Variants in CDK13 observed in about 807,000 individuals in gnomAD.
CDK13 encodes cyclin-dependent kinase 13.
Under a neutral mutation model 137.6 loss-of-function variants are expected in CDK13, and 40 were observed. The observed-to-expected ratio is 0.29, with a 90% CI of 0.23 to 0.38. CDK13 has a LOEUF of 0.38. CDK13 is among the 10% of genes least tolerant of loss of function. The probability of loss-of-function intolerance (pLI) is 1.00; values close to 1 mark genes in which losing one functional copy is unlikely to be tolerated. For missense variants in CDK13, 1,704 were observed against 1,951.8 expected (o/e 0.87, Z 2.39); for synonymous variants, 869 against 760.1 (o/e 1.14, Z -2.36).
At chr7:40,021,108 T>TACAC (rs1359649785) in intron 5 of CDK13, among the ~76,000 whole-genome samples, 1,606 of 72,426 alleles carry the variant, frequency 0.022, 36 homozygotes, top group African/African-American at 0.029. Context: ...CAAACGTATA[T>TACAC]ATATATATAT....
chr7:40,087,348 G>GC (rs1786811703), intron 11 of CDK13, among the ~76,000 whole-genome samples: 1 of 152,012 alleles, frequency 6.6e-6, no homozygotes, highest in Non-Finnish European at 1.5e-5. Flanking sequence ...TTGCCATGTT[G>GC]CCCAGGCTGG....
chr7:39,991,269 C>A (rs1374113696), intron 2 of CDK13, among the ~76,000 whole-genome samples: 1 of 152,114 alleles, frequency 6.6e-6, no homozygotes, highest in African/African-American at 2.4e-5. Flanking sequence ...TTTTCTGTTA[C>A]AACATACTTT....
intron 5 of CDK13, among the ~76,000 whole-genome samples, chr7:40,026,326 T>C (rs973846443): frequency 1.3e-5 from 2 of 152,048 alleles, no homozygotes; most frequent in Admixed American, 1.3e-4. Context: ...CTGGACAACA[T>C]AGCTAGACCC....
At chr7:40,072,131 A>C (rs1776881193) in intron 9 of CDK13, 2 of 152,168 alleles carry the variant, frequency 1.3e-5, no homozygotes, top group South Asian at 4.1e-4. Context: ...TGCTTCAACA[A>C]GTACATTCTT....
rs920153805 is a variant in CDK13 at position 39,951,872 on chromosome 7, C to T, written c.1211+20C>T. 14 of 1,341,872 alleles carry T rather than the reference C, an allele frequency of 1.0e-5. No individual in the cohort carries two copies. Among genetic ancestry groups the T allele is most frequent in the African/African-American group, 1.5e-5 (1 of 66,636 alleles). The allele number at this position is 1,341,872 out of a possible 1,614,324, so 83.1% of individuals were successfully genotyped here. ...GCTCAGGTGAGTTCTGCCGTTCTGCCTGTGTGTGCCTTGGCTGCGCTGGCC... is the reference window on the plus strand; with the variant it reads ...GCTCAGGTGAGTTCTGCCGTTCTGCTTGTGTGTGCCTTGGCTGCGCTGGCC... On this transcript the variant is annotated intron_variant, in intron 1 of 13. Coordinates refer to ENST00000181839, the MANE Select transcript of CDK13 (RefSeq NM_003718.5).
chr7:40,031,685 A>T (rs1419294838), intron 5 of CDK13, among the ~76,000 whole-genome samples: 2 of 151,732 alleles, frequency 1.3e-5, no homozygotes, highest in African/African-American at 4.8e-5. Flanking sequence ...TCGCTCTGTC[A>T]TCCACGCTGG....
chr7:40,035,214 C>T (rs866038564), intron 5 of CDK13, among the ~76,000 whole-genome samples: 3 of 152,002 alleles, frequency 2.0e-5, no homozygotes, highest in East Asian at 1.9e-4. Flanking sequence ...AATACAATAT[C>T]GGAAAAATAT....
chr7:39,950,349 C>G lies in CDK13; in HGVS notation c.-293C>G. 5.1e-6 allele frequency: 6 copies of G among 1,178,288 alleles called. No individual in the cohort carries two copies. The highest frequency in any genetic ancestry group is 6.3e-6 in the Non-Finnish European group (6 of 954,130). 73.0% of individuals were successfully genotyped at this position (1,178,288 alleles called of 1,614,324 possible). ...GAGGACTCGGGACTCCCCCGCAGGT[C>G]AGCGCCCGGCGCATCTGGTGTTTTC... On this transcript the variant is annotated 5_prime_UTR_variant, in exon 1 of 14. Transcript: ENST00000181839.
intron 5 of CDK13, among the ~76,000 whole-genome samples, chr7:40,003,206 A>ACACACACACACACTCTCTCTCTCT (rs374470130): frequency 1.3e-5 from 1 of 79,864 alleles, no homozygotes; most frequent in African/African-American, 4.8e-5. Flanking sequence ...ACACACACAC[A>ACACACACACACACTCTCTCTCTCT]CTCTCTCTCT....
At chr7:40,020,869 G>A (rs952826341) in intron 5 of CDK13, among the ~76,000 whole-genome samples, 1 of 152,006 alleles carries the variant, frequency 6.6e-6, no homozygotes. Context: ...AAGGTGGGTG[G>A]ATCACAAGGT....
chr7:40,014,779 A>G (rs1784970653), intron 5 of CDK13, among the ~76,000 whole-genome samples: 1 of 151,706 alleles, frequency 6.6e-6, no homozygotes, highest in Admixed American at 6.6e-5. Flanking sequence ...TTAACCATAC[A>G]TTTTCATGTT....
At position 40,092,901 on chromosome 7, in the gene CDK13, G is replaced by A. The variant is rs2150547280; in HGVS notation, c.3352G>A (p.Val1118Ile). 1 of 1,614,136 alleles carries A rather than the reference G, an allele frequency of 6.2e-7. No individual in the cohort carries two copies. Among genetic ancestry groups the A allele is most frequent in the Non-Finnish European group, 8.5e-7 (1 of 1,180,016 alleles). Residue 1118 changes from valine to isoleucine, a missense_variant, in exon 13 of 14, where the codon GTA becomes ATA. Physicochemically the swap from Val to Ile is conservative, Grantham distance 29. Coordinates refer to ENST00000181839, the MANE Select transcript of CDK13 (RefSeq NM_003718.5). ...ADFVQVLNIK[V>I]NSETQQQLNK... is the part of the protein sequence containing the mutation. ...TTTTGTCCAAGTGTTGAACATTAAG[G>A]TAAACTCTGAGACTCAACAGCAGCT...
chr7:40,075,825 A>C (rs1786533557), intron 9 of CDK13, among the ~76,000 whole-genome samples: 1 of 152,158 alleles, frequency 6.6e-6, no homozygotes, highest in South Asian at 2.1e-4. Flanking sequence ...CCTGGGCAAC[A>C]TAGCAAAAAC....
chr7:40,029,063 AT>A lies in CDK13; in HGVS notation c.2354-16762del, dbSNP rs922811812. ...ATTTTTAAAATAAATATATTGGAAA[AT>A]TTTTTTTTTTGGAGATTTGCAACAA... On this transcript the variant is annotated intron_variant, in intron 5 of 13. Transcript: ENST00000181839. 5.5e-3 allele frequency among the ~76,000 whole-genome samples: 822 copies of A among 148,396 alleles called. 9 individuals carry two copies. The highest frequency in any genetic ancestry group is 0.023 in the East Asian group (116 of 5,128).
chr7:40,000,043 C>CT (rs1461523731), intron 4 of CDK13, among the ~76,000 whole-genome samples: 1 of 152,078 alleles, frequency 6.6e-6, no homozygotes, highest in Admixed American at 6.6e-5. Flanking sequence ...ATGCATAGAG[C>CT]TAGTATTTTA....
At chr7:40,011,571 A>AG (rs1784895018) in intron 5 of CDK13, among the ~76,000 whole-genome samples, 7 of 152,316 alleles carry the variant, frequency 4.6e-5, no homozygotes, top group Admixed American at 3.9e-4. Flanking sequence ...TGCTGGGATA[A>AG]CTGGATATCC....
intron 9 of CDK13, among the ~76,000 whole-genome samples, chr7:40,077,277 C>T (rs967061060): frequency 1.8e-4 from 27 of 152,080 alleles, no homozygotes; most frequent in African/African-American, 5.8e-4. Flanking sequence ...TATAGAAATC[C>T]GTTTCTGCTA....
intron 5 of CDK13, among the ~76,000 whole-genome samples, chr7:40,003,192 A>T (rs1407111173): frequency 2.4e-3 from 239 of 98,042 alleles, no homozygotes; most frequent in African/African-American, 8.6e-3. Flanking sequence ...ACACACACAC[A>T]CACACACACA....
chr7:39,997,683 C>G lies in CDK13; in HGVS notation c.2042+19C>G. The G allele has an allele frequency of 6.3e-7, 1 of 1,595,022 alleles. No homozygotes were observed. Among genetic ancestry groups the G allele is most frequent in the Admixed American group, 1.7e-5 (1 of 57,378 alleles). ...GGCCTAAGTATGTGCTTGCTTTCTA[C>G]CTGCTCTTAAATTGACCAGCAGTGA... On this transcript the variant is annotated intron_variant, in intron 3 of 13. Transcript: ENST00000181839.
Sources: allele counts gnomAD v4.1 joint callset (sites outside exome capture counted in the v4.1 genomes callset), GRCh38; gene constraint gnomAD v4.1.1; transcripts MANE v1.5; gene names NCBI Gene and HGNC (gene_info 2026-07-23, HGNC 2026-07-21).